OIP5: variants seen among roughly 807,000 people sequenced by gnomAD.
The protein encoded by OIP5 is Opa interacting protein 5.
Under a neutral mutation model 20.3 loss-of-function variants are expected in OIP5, and 24 were observed. The observed-to-expected ratio is 1.18, with a 90% CI of 0.86 to 1.66. OIP5 has a LOEUF of 1.66. OIP5 is among the 40% of genes most tolerant of loss of function. The pLI is 0.00. For missense variants in OIP5, 339 were observed against 289.5 expected, an observed-to-expected ratio of 1.17 and a Z score of -1.24; for synonymous variants, 143 against 121.3, an observed-to-expected ratio of 1.18 and a Z score of -1.17.
At chr15:41,314,389 G>T (rs1042644541) in intron 3 of OIP5, among the ~76,000 whole-genome samples, 2 of 151,564 alleles carry the variant, frequency 1.3e-5, no homozygotes, top group African/African-American at 4.8e-5. Context: ...GGCGTGAGCC[G>T]AGCCCAGCCT....
chr15:41,331,627 T>C (rs2047915424), intron 2 of OIP5, among the ~76,000 whole-genome samples: 2 of 152,284 alleles, frequency 1.3e-5, no homozygotes, highest in South Asian at 4.1e-4. Flanking sequence ...TAGTATGTTA[T>C]TCTCACTGTA....
chr15:41,332,255 C>A lies in OIP5; in HGVS notation c.307G>T (p.Ala103Ser). ...CTGCACTCACTGGAGAAGACCACGG[C>A]CCCGAGGGACCGCGACAGGTCCCAG... is the stretch of plus-strand genomic sequence containing the variant. ...LAWDLSRSLG[A>S]VVFSRVTNNV... The change falls in exon 1 of 5, where the codon GCC becomes TCC. Residue 103 changes from alanine (A) to serine (S), a missense_variant. Coordinates refer to ENST00000220514, the MANE Select transcript of OIP5 (RefSeq NM_007280.2). 4.5e-6 allele frequency: 7 copies of A among 1,548,868 alleles called. No homozygotes were observed. Among genetic ancestry groups the A allele is most frequent in the Non-Finnish European group, 5.2e-6 (6 of 1,149,136 alleles).
At chr15:41,327,736 C>T (rs1280941916) in intron 2 of OIP5, among the ~76,000 whole-genome samples, 2 of 151,922 alleles carry the variant, frequency 1.3e-5, no homozygotes, top group Non-Finnish European at 2.9e-5. Flanking sequence ...TGCAGTGAGC[C>T]AAGATCCTGC....
Position 41,321,948 on chromosome 15 carries a change from TAAAA to T in OIP5, c.390-2172_390-2169del, listed in dbSNP as rs1238724759. Among the ~76,000 whole-genome samples the T allele has an allele frequency of 2.4e-3, 324 of 132,378 alleles. 1 individual carries two copies. The highest frequency in any genetic ancestry group is 8.7e-3 in the African/African-American group (290 of 33,444). The allele number at this position is 132,378 out of a possible 152,430, so 86.8% of individuals were successfully genotyped here. On this transcript the variant is annotated intron_variant, in intron 2 of 4. Coordinates refer to ENST00000220514, the MANE Select transcript of OIP5 (RefSeq NM_007280.2). Reference sequence around the variant, plus strand: ...AAAAATAAATAAATAAATAAATAAATAAAAAAGAAAAAAATGCGCAGACTAAAAG... The same window carrying T: ...AAAAATAAATAAATAAATAAATAAATAAGAAAAAAATGCGCAGACTAAAAG...
At position 41,309,808 on chromosome 15, in the gene OIP5, T is replaced by A. The variant is rs762272534; in HGVS notation, c.636A>T (p.Ser212=). The change falls in exon 5 of 5, where the codon TCA becomes TCT. Residue 212 remains serine (S), a synonymous_variant. Coordinates refer to ENST00000220514, the MANE Select transcript of OIP5 (RefSeq NM_007280.2). ...TCACTTCACTCAGAATCTTCATTAGTGATTTTAAGCGATTGTGCGTTAGCA... is the reference window on the plus strand; with the variant it reads ...TCACTTCACTCAGAATCTTCATTAGAGATTTTAAGCGATTGTGCGTTAGCA... ...KIVLTHNRLK[S]LMKILSEVTP... 1.2e-6 allele frequency: 2 copies of A among 1,613,916 alleles called. No individual in the cohort carries two copies. The highest frequency in any genetic ancestry group is 2.2e-5 in the South Asian group (2 of 91,092).
rs201818984 is a variant in OIP5, at chr15:41,332,349, C to A, written c.213G>T (p.Gln71His). The stretch of plus-strand genomic sequence containing the variant: ...ACTGGAACACAGCGCACCTCTCAGG[C>A]TGCAGCCAAGACGGCAGCTGCGGGC... ...AAGPQLPSWL[Q>H]PERCAVFQCA... The change falls in exon 1 of 5, where the codon CAG becomes CAT. Residue 71 changes from glutamine (Q) to histidine (H), a missense_variant. Transcript: ENST00000220514. 4 of 1,612,518 alleles carry A rather than the reference C, an allele frequency of 2.5e-6. No homozygotes were observed. The Admixed American group carries it at 5.0e-5, about 20-fold the overall frequency.
chr15:41,314,846 G>T (rs2047779922), intron 3 of OIP5, among the ~76,000 whole-genome samples: 1 of 151,302 alleles, frequency 6.6e-6, no homozygotes, highest in African/African-American at 2.4e-5. Context: ...TGGACAGGCT[G>T]GTCTTGAATT....
In OIP5 at chr15:41,332,368, T is replaced by C; in HGVS notation, c.194A>G (p.Gln65Arg). ...CTCAGGCTGCAGCCAAGACGGCAGC[T>C]GCGGGCCGGCGGCTGGCTCCTCAGC... Reference protein sequence around the residue: ...LGAEEPAAGPQLPSWLQPERC... With the variant: ...LGAEEPAAGPRLPSWLQPERC... Residue 65 changes from glutamine (Q) to arginine (R), a missense_variant, in exon 1 of 5, where the codon CAG (glutamine) becomes CGG (arginine). Coordinates refer to ENST00000220514, the MANE Select transcript of OIP5 (RefSeq NM_007280.2). The C allele has an allele frequency of 1.9e-6, 3 of 1,612,782 alleles. No individual in the cohort carries two copies. The highest frequency in any genetic ancestry group is 2.5e-6 in the Non-Finnish European group (3 of 1,179,272).
At chr15:41,320,482 G>A (rs1016907585) in intron 2 of OIP5, among the ~76,000 whole-genome samples, 1 of 152,210 alleles carries the variant, frequency 6.6e-6, no homozygotes, top group East Asian at 1.9e-4. Flanking sequence ...GTTTCGCTGT[G>A]TTGGCTGGGC....
intron 1 of OIP5, 26 bp from the exon 2 acceptor site, chr15:41,332,007 C>T: frequency 1.9e-6 from 3 of 1,609,864 alleles, no homozygotes; most frequent in South Asian, 1.1e-5. Context: ...CGGGTCAGAA[C>T]CCATACTCTG....
chr15:41,320,725 C>T (rs1179416997), intron 2 of OIP5, among the ~76,000 whole-genome samples: 2 of 152,210 alleles, frequency 1.3e-5, no homozygotes, highest in African/African-American at 2.4e-5. Context: ...AAGTGAGGAG[C>T]GTCTCTGCCT....
intron 2 of OIP5, among the ~76,000 whole-genome samples, chr15:41,328,207 T>C (rs7169543): frequency 0.21 from 32,453 of 152,246 alleles, 3,741 homozygotes; most frequent in Non-Finnish European, 0.25. Flanking sequence ...GTTTTAGAGA[T>C]GAAGTCTCGC....
rs545852871 is a variant in OIP5, at chr15:41,310,755, TCTC to T, written c.595-909_595-907del. Among the ~76,000 whole-genome samples the T allele has an allele frequency of 1.6e-3, 249 of 152,304 alleles. 1 individual carries two copies. Among genetic ancestry groups the T allele is most frequent in the African/African-American group, 5.9e-3 (244 of 41,560 alleles). The stretch of plus-strand genomic sequence containing the variant: ...TCACAGTGCTTTGTGGAGACAGGCT[TCTC>T]CTCCTTTTCCAGTGGCAAGAATTTA... On this transcript the variant is annotated intron_variant, in intron 4 of 4. Transcript: ENST00000220514.
At chr15:41,321,304 G>A (rs1251171194) in intron 2 of OIP5, among the ~76,000 whole-genome samples, 2 of 148,846 alleles carry the variant, frequency 1.3e-5, no homozygotes, top group African/African-American at 5.0e-5. Context: ...GGAGGTGGGG[G>A]GGTCAGCCCC....
intron 2 of OIP5, among the ~76,000 whole-genome samples, chr15:41,321,321 G>A (rs996555449): frequency 3.4e-4 from 50 of 148,586 alleles, no homozygotes; most frequent in African/African-American, 1.2e-3. Context: ...CCCCCCGCCC[G>A]GCCAGCCGCC....
At chr15:41,312,545 C>T (rs1019848648) in intron 4 of OIP5, among the ~76,000 whole-genome samples, 2 of 151,998 alleles carry the variant, frequency 1.3e-5, no homozygotes, top group Non-Finnish European at 2.9e-5. Context: ...CTGCAACCTC[C>T]ACCACCTGGG....
chr15:41,309,564 G>C lies in OIP5; in HGVS notation c.*190C>G. On this transcript the variant is annotated 3_prime_UTR_variant, in exon 5 of 5. Transcript: ENST00000220514. Reference sequence around the variant, plus strand: ...TCTTAAGGCAAATAGCTATAAAAGAGAAGAATCCTTAGTCTCTCATCTTCT... The same window carrying C: ...TCTTAAGGCAAATAGCTATAAAAGACAAGAATCCTTAGTCTCTCATCTTCT... 1 of 468,756 alleles carries C rather than the reference G, an allele frequency of 2.1e-6. No individual in the cohort carries two copies. The highest frequency in any genetic ancestry group is 3.5e-5 in the East Asian group (1 of 28,370). The allele number at this position is 468,756 out of a possible 1,614,324, so 29.0% of individuals were successfully genotyped here. A position where few individuals can be genotyped will look rare whatever the true frequency, so the allele number is the denominator to read the frequency against.
chr15:41,321,317 G>T (rs900735717), intron 2 of OIP5, among the ~76,000 whole-genome samples: 2 of 148,332 alleles, frequency 1.3e-5, no homozygotes, highest in Non-Finnish European at 3.0e-5. Flanking sequence ...TCAGCCCCCC[G>T]CCCGGCCAGC....
chr15:41,313,901 A>C (rs945472533), intron 3 of OIP5, among the ~76,000 whole-genome samples: 13 of 152,290 alleles, frequency 8.5e-5, no homozygotes, highest in Admixed American at 8.5e-4. Flanking sequence ...ATTCAAAAAT[A>C]AACAAATTGG....
Sources: allele counts gnomAD v4.1 joint callset (sites outside exome capture counted in the v4.1 genomes callset), GRCh38; gene constraint gnomAD v4.1.1; transcripts MANE v1.5; gene names NCBI Gene and HGNC (gene_info 2026-07-23, HGNC 2026-07-21).